S100Z: variants seen among roughly 807,000 people sequenced by gnomAD.
S100Z encodes S100 calcium binding protein Z, also known as protein S100-Z.
A neutral mutation model predicts 8.5 loss-of-function variants in S100Z; 11 were observed. The observed-to-expected ratio is 1.30, with a 90% CI of 0.82 to 2.15. The LOEUF is 2.15. Among genes scored for constraint, S100Z ranks in the 30% most tolerant of loss-of-function variants. S100Z has a pLI of 0.00. For missense variants in S100Z, 126 were observed against 117.9 expected (o/e 1.07, Z -0.32); for synonymous variants, 34 against 43.8 (o/e 0.78, Z 0.89).
At chr5:76,886,045 G>T (rs1743617052) in intron 4 of S100Z, among the ~76,000 whole-genome samples, 1 of 151,384 alleles carries the variant, frequency 6.6e-6, no homozygotes, top group African/African-American at 2.4e-5. Flanking sequence ...GAGAAGGGGT[G>T]GGGAGTGCTT....
chr5:76,925,676 C>T (rs1034054704), downstream of S100Z, among the ~76,000 whole-genome samples: 5 of 152,068 alleles, frequency 3.3e-5, no homozygotes, highest in South Asian at 2.1e-4. Flanking sequence ...TTAATATAAA[C>T]GTATGTAAAG....
chr5:76,925,163 G>T (rs199567148), downstream of S100Z, among the ~76,000 whole-genome samples: 4 of 85,340 alleles, frequency 4.7e-5, no homozygotes, highest in Non-Finnish European at 8.8e-5. Context: ...GCTAGATAGA[G>T]AGAGAGAGAG....
chr5:76,893,249 G>A (rs1002640100), intron 4 of S100Z, among the ~76,000 whole-genome samples: 1 of 152,084 alleles, frequency 6.6e-6, no homozygotes, highest in Non-Finnish European at 1.5e-5. Flanking sequence ...GTATTGCTTT[G>A]TTTCTACTTG....
chr5:76,856,999 T>C (rs12697859), intron 1 of S100Z, among the ~76,000 whole-genome samples: 70,401 of 151,972 alleles, frequency 0.46, 16,833 homozygotes, highest in South Asian at 0.66. Context: ...AAATCCAGCA[T>C]AGTGAAAGGT....
At chr5:76,931,718 A>G in the S100Z span, among the ~76,000 whole-genome samples, 1 of 152,212 alleles carries the variant, frequency 6.6e-6, no homozygotes, top group Non-Finnish European at 1.5e-5. Context: ...TGACTGTGGG[A>G]GTCTAATACC....
At chr5:76,923,276 G>A (rs1265659888), downstream of S100Z, among the ~76,000 whole-genome samples, 2 of 152,140 alleles carry the variant, frequency 1.3e-5, no homozygotes, top group Non-Finnish European at 2.9e-5. Context: ...TAGAAACCAG[G>A]TAGCCCTGTG....
At chr5:76,856,579 C>A (rs1045257481) in intron 1 of S100Z, among the ~76,000 whole-genome samples, 17 of 152,162 alleles carry the variant, frequency 1.1e-4, no homozygotes, top group Admixed American at 3.3e-4. Context: ...CGCTTGCTGA[C>A]AAAAGTATTG....
chr5:76,861,495 T>C (rs1201582468), intron 1 of S100Z, among the ~76,000 whole-genome samples: 3 of 152,122 alleles, frequency 2.0e-5, no homozygotes, highest in Non-Finnish European at 4.4e-5. Flanking sequence ...CCTGCCACCA[T>C]GCCTAGCTAA....
intron 4 of S100Z, among the ~76,000 whole-genome samples, chr5:76,880,782 A>G (rs189627603): frequency 5.9e-5 from 9 of 152,304 alleles, no homozygotes; most frequent in East Asian, 3.8e-4. Context: ...TTATGTTGTC[A>G]TATACCAGGC....
chr5:76,879,130 A>G (rs1743300538), intron 4 of S100Z, among the ~76,000 whole-genome samples: 1 of 152,188 alleles, frequency 6.6e-6, no homozygotes. Flanking sequence ...TTGCTATTGT[A>G]GACAAGAACC....
At chr5:76,951,668 C>T in the S100Z span, among the ~76,000 whole-genome samples, 2 of 152,174 alleles carry the variant, frequency 1.3e-5, no homozygotes, top group African/African-American at 2.4e-5. Context: ...TCTTTTATTC[C>T]TCCCAGGTTT....
intron 1 of S100Z, among the ~76,000 whole-genome samples, chr5:76,862,356 C>G (rs952413809): frequency 2.0e-5 from 3 of 152,296 alleles, no homozygotes; most frequent in Middle Eastern, 3.4e-3. Context: ...GGGCAGCATA[C>G]AGGCCACATC....
At chr5:76,896,088 A>G (rs114351143) in intron 4 of S100Z, among the ~76,000 whole-genome samples, 2,355 of 152,142 alleles carry the variant, frequency 0.015, 66 homozygotes, top group African/African-American at 0.054. Flanking sequence ...ATTATTGACT[A>G]TAGTCACCCT....
chr5:76,949,466 A>G, the S100Z span, among the ~76,000 whole-genome samples: 2 of 152,122 alleles, frequency 1.3e-5, no homozygotes, highest in South Asian at 4.1e-4. Context: ...ACTTCTGCGT[A>G]TTTTTCCAAA....
At chr5:76,942,136 A>G in the S100Z span, among the ~76,000 whole-genome samples, 2 of 151,912 alleles carry the variant, frequency 1.3e-5, no homozygotes, top group South Asian at 2.1e-4. Context: ...TATTTTGTAG[A>G]CAGAGTCTTG....
intron 4 of S100Z, among the ~76,000 whole-genome samples, chr5:76,901,924 T>C (rs1744243608): frequency 6.6e-6 from 1 of 152,068 alleles, no homozygotes; most frequent in Admixed American, 6.6e-5. Context: ...AGTTAGCAGG[T>C]GATGAATGCT....
Position 76,887,395 on chromosome 5 carries a change from C to CTTT in S100Z, c.*2+9580_*2+9582dup, listed in dbSNP as rs70982657. Reference sequence around the variant, plus strand: ...TACAGTCATGAGCTACTGTGCCAGGCTTTTTTTTTTTTTTTTTTTTTCTGA... The same window carrying CTTT: ...TACAGTCATGAGCTACTGTGCCAGGCTTTTTTTTTTTTTTTTTTTTTTTTCTGA... On this transcript the variant is annotated intron_variant, in intron 4 of 4. Coordinates refer to ENST00000317593, the MANE Select transcript of S100Z (RefSeq NM_130772.4). Among the ~76,000 whole-genome samples, 570 of 74,682 alleles carry CTTT rather than the reference C, an allele frequency of 7.6e-3. 42 individuals carry two copies. Among genetic ancestry groups the CTTT allele is most frequent in the African/African-American group, 0.022 (415 of 18,630 alleles). The allele number at this position is 74,682 out of a possible 152,430, so 49.0% of individuals were successfully genotyped here. A position where few individuals can be genotyped will look rare whatever the true frequency, so the allele number is the denominator to read the frequency against.
chr5:76,932,961 A>G, the S100Z span, among the ~76,000 whole-genome samples: 1 of 152,372 alleles, frequency 6.6e-6, no homozygotes, highest in East Asian at 1.9e-4. Flanking sequence ...TTGCTTCATC[A>G]ATGCTAAAAT....
chr5:76,871,576 G>T (rs1743011941), intron 2 of S100Z, among the ~76,000 whole-genome samples: 1 of 148,986 alleles, frequency 6.7e-6, no homozygotes, highest in Admixed American at 6.7e-5. Context: ...ACCCTGGAGG[G>T]CAGTGGCATG....
Sources: allele counts gnomAD v4.1 joint callset (sites outside exome capture counted in the v4.1 genomes callset), GRCh38; gene constraint gnomAD v4.1.1; transcripts MANE v1.5; gene names NCBI Gene and HGNC (gene_info 2026-07-23, HGNC 2026-07-21).